LHFPL3: variants seen among roughly 807,000 people sequenced by gnomAD.
The protein encoded by LHFPL3 is LHFPL tetraspan subfamily member 3 protein.
A neutral mutation model predicts 19.3 loss-of-function variants in LHFPL3; 5 were observed. That is an observed-to-expected ratio of 0.26 (90% CI 0.14 to 0.54). LHFPL3 has a LOEUF of 0.54. Among genes scored for constraint, LHFPL3 ranks in the 20% least tolerant of loss-of-function variants. The pLI is 0.94. For missense variants in LHFPL3, 249 were observed against 307.4 expected (o/e 0.81, Z 1.42); for synonymous variants, 133 against 126.2 (o/e 1.05, Z -0.36).
intron 1 of LHFPL3, among the ~76,000 whole-genome samples, chr7:104,651,832 G>C (rs1247372974): frequency 6.6e-6 from 1 of 152,188 alleles, no homozygotes; most frequent in Non-Finnish European, 1.5e-5. Flanking sequence ...CTAGTAATCT[G>C]TCTGAGCCTC....
chr7:104,549,448 AACACACACACACACACAC>A (rs61148155), intron 1 of LHFPL3, among the ~76,000 whole-genome samples: 28 of 140,238 alleles, frequency 2.0e-4, no homozygotes, highest in African/African-American at 6.7e-4. Context: ...CCCTTAACCC[AACACACACACACACACAC>A]ACACACACAC....
At chr7:104,430,455 T>TACACA (rs1491561052) in intron 1 of LHFPL3, among the ~76,000 whole-genome samples, 7 of 11,402 alleles carry the variant, frequency 6.1e-4, no homozygotes, top group African/African-American at 2.9e-3. Flanking sequence ...TATATATATA[T>TACACA]TTTTTTTTTT....
intron 2 of LHFPL3, among the ~76,000 whole-genome samples, chr7:104,884,786 A>T (rs1335226694): frequency 6.6e-6 from 1 of 152,212 alleles, no homozygotes; most frequent in Non-Finnish European, 1.5e-5. Flanking sequence ...CTCTGACCCA[A>T]GCTTCAAGGG....
chr7:104,470,071 A>G, intron 1 of LHFPL3: 2 of 456,036 alleles, frequency 4.4e-6, no homozygotes, highest in Middle Eastern at 3.3e-4. Context: ...CTGAATGGAA[A>G]GAATGGTAGT....
chr7:104,547,552 T>G (rs1794597308), intron 1 of LHFPL3, among the ~76,000 whole-genome samples: 1 of 152,126 alleles, frequency 6.6e-6, no homozygotes. Context: ...AATATAAAAC[T>G]TTAATATAAA....
intron 2 of LHFPL3, among the ~76,000 whole-genome samples, chr7:104,862,626 G>A (rs374564503): frequency 8.4e-4 from 1 of 1,194 alleles, no homozygotes; most frequent in Non-Finnish European, 1.6e-3. Context: ...TGTATAAGCC[G>A]CTGGTCCCGC....
At position 104,882,731 on chromosome 7, in the gene LHFPL3, T is replaced by A. The variant is rs1176194211; in HGVS notation, c.683-23456T>A. ...TAGTGGTGATAGTTGTACAACTCTA[T>A]AGGTATACTAAAATCACCGAATTGT... is the stretch of plus-strand genomic sequence containing the variant. On this transcript the variant is annotated intron_variant, in intron 2 of 2. Transcript: ENST00000424859. Among the ~76,000 whole-genome samples, 5 of 152,190 alleles carry A rather than the reference T, an allele frequency of 3.3e-5. No homozygotes were observed. In the East Asian group the frequency reaches 7.7e-4, roughly 23 times the overall value.
intron 1 of LHFPL3, among the ~76,000 whole-genome samples, chr7:104,643,487 T>G (rs1014643273): frequency 2.0e-5 from 3 of 152,200 alleles, no homozygotes; most frequent in African/African-American, 7.2e-5. Context: ...ACACTGTATA[T>G]TTTTGTATGG....
At chr7:104,711,990 C>T (rs537182757) in intron 1 of LHFPL3, among the ~76,000 whole-genome samples, 106 of 152,212 alleles carry the variant, frequency 7.0e-4, no homozygotes, top group Admixed American at 1.6e-3. Context: ...ATGTCCACAC[C>T]CTAATCTCTG....
At chr7:104,561,673 TC>T (rs1309536644) in intron 1 of LHFPL3, among the ~76,000 whole-genome samples, 1 of 152,084 alleles carries the variant, frequency 6.6e-6, no homozygotes, top group African/African-American at 2.4e-5. Context: ...GAGCATTTAG[TC>T]CATTTACATT....
chr7:104,444,538 C>A (rs562687274), intron 1 of LHFPL3, among the ~76,000 whole-genome samples: 1 of 152,324 alleles, frequency 6.6e-6, no homozygotes, highest in East Asian at 1.9e-4. Flanking sequence ...GAACACATTC[C>A]TTCAACCTAG....
intron 2 of LHFPL3, among the ~76,000 whole-genome samples, chr7:104,788,853 C>T (rs919505549): frequency 6.6e-6 from 1 of 152,150 alleles, no homozygotes; most frequent in African/African-American, 2.4e-5. Context: ...AACAAGACTG[C>T]ATTTAAACAA....
At chr7:104,407,067 T>C (rs1791431626) in intron 1 of LHFPL3, among the ~76,000 whole-genome samples, 1 of 152,314 alleles carries the variant, frequency 6.6e-6, no homozygotes. Flanking sequence ...GGGATCACAG[T>C]ACTGACATCA....
At chr7:104,724,331 T>C (rs73415649) in intron 1 of LHFPL3, among the ~76,000 whole-genome samples, 15 of 152,048 alleles carry the variant, frequency 9.9e-5, no homozygotes, top group Non-Finnish European at 1.8e-4. Flanking sequence ...AGAAACAGAA[T>C]AAAACAGCCA....
intron 2 of LHFPL3, among the ~76,000 whole-genome samples, chr7:104,896,733 G>A (rs1440492406): frequency 6.6e-6 from 1 of 152,156 alleles, no homozygotes; most frequent in Admixed American, 6.5e-5. Context: ...GGCCACAGGA[G>A]GCCTCATTAG....
chr7:104,843,666 G>C (rs891478995), intron 2 of LHFPL3, among the ~76,000 whole-genome samples: 1 of 151,992 alleles, frequency 6.6e-6, no homozygotes, highest in African/African-American at 2.4e-5. Flanking sequence ...AAGAAACTTA[G>C]AGGAGAGGGC....
At chr7:104,844,563 G>A (rs1791277252) in intron 2 of LHFPL3, among the ~76,000 whole-genome samples, 1 of 151,946 alleles carries the variant, frequency 6.6e-6, no homozygotes, top group Non-Finnish European at 1.5e-5. Context: ...TTCTTATTGA[G>A]CATCTAAAAT....
chr7:104,430,425 T>C (rs1280639783), intron 1 of LHFPL3, among the ~76,000 whole-genome samples: 2 of 12,260 alleles, frequency 1.6e-4, no homozygotes, highest in African/African-American at 5.2e-4. Flanking sequence ...TATACATATA[T>C]ATATATATAT....
chr7:104,592,893 C>A (rs1033022159), intron 1 of LHFPL3, among the ~76,000 whole-genome samples: 3 of 152,116 alleles, frequency 2.0e-5, no homozygotes, highest in African/African-American at 7.2e-5. Flanking sequence ...GGGCTTAGGA[C>A]CCTCTGAGCC....
Sources: allele counts gnomAD v4.1 joint callset (sites outside exome capture counted in the v4.1 genomes callset), GRCh38; gene constraint gnomAD v4.1.1; transcripts MANE v1.5; gene names NCBI Gene and HGNC (gene_info 2026-07-23, HGNC 2026-07-21).